The following REEP3 variants were observed in gnomAD, a reference collection of about 807,000 sequenced individuals.
The protein encoded by REEP3 is receptor expression-enhancing protein 3.
Under a neutral mutation model 41.3 loss-of-function variants are expected in REEP3, and 20 were observed. The observed-to-expected ratio is 0.48, with a 90% CI of 0.34 to 0.70. REEP3 has a LOEUF of 0.70. Among genes scored for constraint, REEP3 ranks in the 30% least tolerant of loss-of-function variants. REEP3 has a pLI of 0.01. For synonymous variants in REEP3, 104 were observed against 101.8 expected (o/e 1.02, Z -0.13); for missense variants, 271 against 308.8 (o/e 0.88, Z 0.92).
chr10:63,604,218 A>G (rs563359987), intron 5 of REEP3, among the ~76,000 whole-genome samples: 16 of 152,338 alleles, frequency 1.1e-4, no homozygotes, highest in African/African-American at 3.1e-4. Flanking sequence ...ACTCAGTTCT[A>G]TGACCTCATT....
rs372027225 is a variant in REEP3, at chr10:63,594,767, A to T, written c.106-11A>T. 3.6e-5 allele frequency: 56 copies of T among 1,571,872 alleles called. No individual in the cohort carries two copies. In the African/African-American group the frequency reaches 5.1e-4, roughly 14 times the overall value. Reference sequence around the variant, plus strand: ...CATCTGTTGTTTCATGAGTATTTTTATTATTTCCAGGTTCGATGGATGATG... The same window carrying T: ...CATCTGTTGTTTCATGAGTATTTTTTTTATTTCCAGGTTCGATGGATGATG... On this transcript the variant is annotated splice_polypyrimidine_tract_variant and intron_variant, in intron 2 of 7. Coordinates refer to ENST00000373758, the MANE Select transcript of REEP3 (RefSeq NM_001001330.3).
intron 5 of REEP3, among the ~76,000 whole-genome samples, chr10:63,608,899 T>C (rs1311488098): frequency 2.0e-5 from 3 of 152,276 alleles, no homozygotes; most frequent in East Asian, 3.9e-4. Flanking sequence ...GAACTGAATA[T>C]TATATTTTAT....
chr10:63,558,921 TA>T (rs1434908412), intron 1 of REEP3, among the ~76,000 whole-genome samples: 5 of 152,154 alleles, frequency 3.3e-5, no homozygotes, highest in African/African-American at 1.2e-4. Context: ...TGTTTAATAT[TA>T]GCTATCCTAT....
intron 5 of REEP3, among the ~76,000 whole-genome samples, chr10:63,607,897 C>A (rs917596064): frequency 6.6e-6 from 1 of 152,160 alleles, no homozygotes; most frequent in Non-Finnish European, 1.5e-5. Context: ...TAGACTGATT[C>A]CATTGTACTT....
chr10:63,543,016 C>T (rs1014751350), intron 1 of REEP3, among the ~76,000 whole-genome samples: 1 of 151,970 alleles, frequency 6.6e-6, no homozygotes, highest in African/African-American at 2.4e-5. Context: ...TTTATTATAC[C>T]CCAGTGCTCC....
chr10:63,574,007 A>G (rs1955876110), intron 2 of REEP3, among the ~76,000 whole-genome samples: 3 of 152,178 alleles, frequency 2.0e-5, no homozygotes, highest in Admixed American at 2.0e-4. Flanking sequence ...CTTATAATGT[A>G]AAAAGTCAAT....
intron 5 of REEP3, among the ~76,000 whole-genome samples, chr10:63,602,342 C>T (rs780191226): frequency 1.3e-4 from 20 of 152,096 alleles, no homozygotes; most frequent in Non-Finnish European, 2.4e-4. Context: ...GCATCGGCAG[C>T]GGATGAAGAG....
chr10:63,556,622 T>TG lies in REEP3; in HGVS notation c.33-9716_33-9715insG, dbSNP rs1554804603. ...TTGTTTTCTGTTTGCTTGTTTTTTT[T>TG]TTTGTTGTTTTGTTTTTTTTTTTTT... On this transcript the variant is annotated intron_variant, in intron 1 of 7. Transcript: ENST00000373758. Among the ~76,000 whole-genome samples the TG allele has an allele frequency of 1.2e-3, 96 of 82,144 alleles. 5 individuals are homozygous for TG. In the East Asian group the frequency reaches 0.012, roughly 11 times the overall value. 53.9% of individuals were successfully genotyped at this position (82,144 alleles called of 152,430 possible).
intron 2 of REEP3, among the ~76,000 whole-genome samples, chr10:63,593,570 G>T (rs1486364408): frequency 6.6e-6 from 1 of 152,096 alleles, no homozygotes; most frequent in Admixed American, 6.5e-5. Context: ...CCCCTGGTTG[G>T]CATGGCATTG....
At chr10:63,564,069 A>G (rs1394244607) in intron 1 of REEP3, among the ~76,000 whole-genome samples, 3 of 152,232 alleles carry the variant, frequency 2.0e-5, no homozygotes, top group Non-Finnish European at 4.4e-5. Flanking sequence ...TAAATAAAGT[A>G]TAAAGTTTAA....
chr10:63,605,235 G>A (rs1956213479), intron 5 of REEP3, among the ~76,000 whole-genome samples: 1 of 152,142 alleles, frequency 6.6e-6, no homozygotes, highest in Non-Finnish European at 1.5e-5. Flanking sequence ...TTTTCTCCAT[G>A]TTATCAATGT....
chr10:63,545,644 A>ATTATAGG (rs1176448228), intron 1 of REEP3, among the ~76,000 whole-genome samples: 1 of 135,980 alleles, frequency 7.4e-6, no homozygotes, highest in Non-Finnish European at 1.5e-5. Flanking sequence ...AAGTGCTAGG[A>ATTATAGG]TTATAGGCAT....
intron 6 of REEP3, among the ~76,000 whole-genome samples, chr10:63,611,075 A>G (rs937081441): frequency 6.7e-6 from 1 of 149,984 alleles, no homozygotes; most frequent in Non-Finnish European, 1.5e-5. Flanking sequence ...TTATCTCAGG[A>G]AAAAAAAAAG....
chr10:63,566,514 A>G (rs1056953643), intron 2 of REEP3, 104 bp downstream of exon 2: 2 of 659,588 alleles, frequency 3.0e-6, no homozygotes, highest in African/African-American at 3.7e-5. Context: ...GTTTTGGGTT[A>G]AAAGGTGTTA....
intron 1 of REEP3, among the ~76,000 whole-genome samples, chr10:63,524,219 C>T (rs1564988972): frequency 6.6e-6 from 1 of 152,132 alleles, no homozygotes; most frequent in Non-Finnish European, 1.5e-5. Context: ...TCTACACAAA[C>T]TTGGAAACCT....
chr10:63,604,026 T>C (rs1956200760), intron 5 of REEP3, among the ~76,000 whole-genome samples: 1 of 152,170 alleles, frequency 6.6e-6, no homozygotes, highest in African/African-American at 2.4e-5. Flanking sequence ...ATTTTTACAA[T>C]ATATAGTTTG....
At chr10:63,533,043 A>G (rs897986647) in intron 1 of REEP3, among the ~76,000 whole-genome samples, 1 of 152,232 alleles carries the variant, frequency 6.6e-6, no homozygotes, top group Non-Finnish European at 1.5e-5. Context: ...TTTATTCCAT[A>G]TATTGAGGAA....
At position 63,521,465 on chromosome 10, in the gene REEP3, C is replaced by G; in HGVS notation, c.-81C>G. The G allele has an allele frequency of 1.0e-6, 1 of 953,790 alleles. No homozygotes were observed. The allele number at this position is 953,790 out of a possible 1,614,324, so 59.1% of individuals were successfully genotyped here. ...CGGGGAGCGCGAGGAGCCGGCGAAG[C>G]GCGCGGCCTGCCGTTGGCGGCCTGG... On this transcript the variant is annotated 5_prime_UTR_variant, in exon 1 of 8. Transcript: ENST00000373758.
At chr10:63,577,206 G>C (rs562336893) in intron 2 of REEP3, among the ~76,000 whole-genome samples, 6 of 152,318 alleles carry the variant, frequency 3.9e-5, no homozygotes, top group African/African-American at 1.4e-4. Flanking sequence ...TCAACATTCA[G>C]TTTATAAACT....
Sources: gnomAD v4.1 joint callset for allele counts (sites outside exome capture counted in the v4.1 genomes callset) on GRCh38, gnomAD v4.1.1 for gene constraint, MANE v1.5 for transcripts, NCBI Gene and HGNC (gene_info 2026-07-23, HGNC 2026-07-21) for gene names.